C12orf54: variants seen among roughly 807,000 people sequenced by gnomAD.
The protein encoded by C12orf54 is chromosome 12 open reading frame 54.
C12orf54 carries 24 observed loss-of-function variants against 26.4 expected under a neutral mutation model. The observed-to-expected ratio is 0.91, with a 90% CI of 0.66 to 1.28. C12orf54 has a LOEUF of 1.28. Ranked by LOEUF, C12orf54 falls within the 50% of genes most tolerant of loss-of-function variation. C12orf54 has a pLI of 0.00. For missense variants in C12orf54, 154 were observed against 150.9 expected (o/e 1.02, Z -0.11); for synonymous variants, 54 against 47.0 (o/e 1.15, Z -0.61).
the C12orf54 span, among the ~76,000 whole-genome samples, chr12:48,469,135 A>G: frequency 0.13 from 19,291 of 152,238 alleles, 1,619 homozygotes; most frequent in Non-Finnish European, 0.2. Context: ...TCATTGATAA[A>G]CATCTTAACA....
chr12:48,477,472 G>T, the C12orf54 span, among the ~76,000 whole-genome samples: 1 of 151,932 alleles, frequency 6.6e-6, no homozygotes, highest in Non-Finnish European at 1.5e-5. Context: ...GTTTTTTGAA[G>T]ACATCAACAA....
intron 5 of C12orf54, among the ~76,000 whole-genome samples, chr12:48,489,499 C>G (rs1937736666): frequency 6.6e-6 from 1 of 152,134 alleles, no homozygotes; most frequent in African/African-American, 2.4e-5. Flanking sequence ...GATCTTGGCT[C>G]ACTGCAACCT....
the C12orf54 span, among the ~76,000 whole-genome samples, chr12:48,440,651 C>G: frequency 6.6e-6 from 1 of 152,112 alleles, no homozygotes; most frequent in Non-Finnish European, 1.5e-5. Context: ...ATACATAGGT[C>G]CCCTCATAGC....
At chr12:48,433,466 G>A in the C12orf54 span, among the ~76,000 whole-genome samples, 2 of 136,050 alleles carry the variant, frequency 1.5e-5, no homozygotes, top group Admixed American at 7.3e-5. Flanking sequence ...GGGGGGGGGG[G>A]GGGCAGGATC....
At chr12:48,488,352 G>T (rs966663580) in intron 4 of C12orf54, 1 of 512,094 alleles carries the variant, frequency 2.0e-6, no homozygotes, top group Non-Finnish European at 3.7e-6. Flanking sequence ...CCCTGGTGCC[G>T]ACAAGAAAGC....
At chr12:48,479,437 C>T (rs1172633552), upstream of C12orf54, among the ~76,000 whole-genome samples, 1 of 152,028 alleles carries the variant, frequency 6.6e-6, no homozygotes, top group African/African-American at 2.4e-5. Flanking sequence ...GGGTGCAGCA[C>T]ACCAACATGG....
chr12:48,443,527 G>A, the C12orf54 span, among the ~76,000 whole-genome samples: 2 of 152,102 alleles, frequency 1.3e-5, no homozygotes, highest in African/African-American at 4.8e-5. Context: ...ACAGAGAAAG[G>A]GAAATAATCA....
the C12orf54 span, chr12:48,472,650 G>A: frequency 2.5e-4 from 396 of 1,614,008 alleles, no homozygotes; most frequent in African/African-American, 4.4e-3. Flanking sequence ...AGCCTCTGCA[G>A]AGAAAGCGTG....
chr12:48,456,512 G>A, the C12orf54 span, among the ~76,000 whole-genome samples: 1 of 152,176 alleles, frequency 6.6e-6, no homozygotes, highest in Non-Finnish European at 1.5e-5. Context: ...GGTAGCATTT[G>A]AGATTAAGAT....
chr12:48,450,202 A>G, the C12orf54 span, among the ~76,000 whole-genome samples: 1 of 152,146 alleles, frequency 6.6e-6, no homozygotes, highest in Admixed American at 6.6e-5. Flanking sequence ...CAAAATATAT[A>G]TGTATATGAA....
At chr12:48,444,206 TC>T in the C12orf54 span, among the ~76,000 whole-genome samples, 1 of 152,250 alleles carries the variant, frequency 6.6e-6, no homozygotes, top group East Asian at 1.9e-4. Flanking sequence ...GAATGCATTT[TC>T]CATATTATTT....
At chr12:48,433,252 C>T in the C12orf54 span, among the ~76,000 whole-genome samples, 1 of 152,182 alleles carries the variant, frequency 6.6e-6, no homozygotes, top group Non-Finnish European at 1.5e-5. Flanking sequence ...GGCTACAGTG[C>T]TTGTGCGTTC....
chr12:48,472,557 C>A, the C12orf54 span: 2 of 1,319,006 alleles, frequency 1.5e-6, no homozygotes, highest in East Asian at 2.3e-5. Flanking sequence ...AATTTACTTT[C>A]GGAGAACCCA....
the C12orf54 span, among the ~76,000 whole-genome samples, chr12:48,432,041 C>T: frequency 3.3e-5 from 5 of 152,240 alleles, no homozygotes; most frequent in Non-Finnish European, 7.4e-5. Flanking sequence ...TAGTATCTCA[C>T]TTATAAATAC....
the C12orf54 span, among the ~76,000 whole-genome samples, chr12:48,441,026 A>G: frequency 6.6e-6 from 1 of 152,312 alleles, no homozygotes; most frequent in African/African-American, 2.4e-5. Context: ...AAATTCTAAC[A>G]CCACGATTTA....
the C12orf54 span, among the ~76,000 whole-genome samples, chr12:48,429,891 A>T: frequency 6.6e-6 from 1 of 152,362 alleles, no homozygotes; most frequent in South Asian, 2.1e-4. Context: ...ATCTGGAGGC[A>T]TCATACTACC....
At chr12:48,452,367 A>C in the C12orf54 span, among the ~76,000 whole-genome samples, 1 of 152,240 alleles carries the variant, frequency 6.6e-6, no homozygotes, top group East Asian at 1.9e-4. Context: ...TGTGAAACCC[A>C]AAACTGTAAA....
chr12:48,441,437 T>C, the C12orf54 span, among the ~76,000 whole-genome samples: 1 of 152,002 alleles, frequency 6.6e-6, no homozygotes, highest in Non-Finnish European at 1.5e-5. Context: ...CACTCCAGCC[T>C]GGGCGACCAA....
At chr12:48,448,223 A>G in the C12orf54 span, among the ~76,000 whole-genome samples, 1 of 152,216 alleles carries the variant, frequency 6.6e-6, no homozygotes, top group East Asian at 1.9e-4. Flanking sequence ...TGAGCTAATC[A>G]ATATGTATTG....
Sources: gnomAD v4.1 joint callset for allele counts (sites outside exome capture counted in the v4.1 genomes callset) on GRCh38, gnomAD v4.1.1 for gene constraint, MANE v1.5 for transcripts, NCBI Gene and HGNC (gene_info 2026-07-23, HGNC 2026-07-21) for gene names.